The following CHD7 variants were observed in gnomAD, a reference collection of about 807,000 sequenced individuals.
CHD7 encodes the protein chromodomain helicase DNA binding protein 7, also known as ATP-dependent chromatin remodeler CHD7.
A neutral mutation model predicts 307.3 loss-of-function variants in CHD7; 24 were observed. That is an observed-to-expected ratio of 0.08 (90% CI 0.06 to 0.11). The LOEUF (loss-of-function observed/expected upper bound fraction) is 0.11. Ranked by LOEUF, CHD7 falls within the 10% of genes least tolerant of loss-of-function variation. The pLI is 1.00. For synonymous variants in CHD7, 1,363 were observed against 1,349.9 expected, an observed-to-expected ratio of 1.01 and a Z score of -0.21; for missense variants, 3,106 against 3,727.1, an observed-to-expected ratio of 0.83 and a Z score of 4.34.
chr8:60,801,466 G>T, intron 5 of CHD7, 62 bp from the exon 6 acceptor site: 2 of 1,234,276 alleles, frequency 1.6e-6, no homozygotes, highest in Non-Finnish European at 2.3e-6. Context: ...ATGATTTCTT[G>T]CTCTTATAGC....
intron 7 of CHD7, among the ~76,000 whole-genome samples, chr8:60,811,298 G>A (rs1812796125): frequency 1.3e-5 from 2 of 152,190 alleles, no homozygotes; most frequent in Admixed American, 6.5e-5. Flanking sequence ...CAAAAGAAGT[G>A]TAGTCCTCCC....
At position 60,823,846 on chromosome 8, in the gene CHD7, G is replaced by A. The variant is rs1238116912; in HGVS notation, c.3208G>A (p.Val1070Met). The A allele has an allele frequency of 1.2e-6, 2 of 1,613,188 alleles. No individual in the cohort carries two copies. The highest frequency in any genetic ancestry group is 2.2e-5 in the East Asian group (1 of 44,884). The stretch of plus-strand genomic sequence containing the variant: ...TTCAGAGTTGTTCTTATAGGGTCGA[G>A]TGATAAAGGGGTCCTATAAGTTTCA... ...EMYFKDPQGRVIKGSYKFHAI... is the reference protein window; with the variant it reads ...EMYFKDPQGRMIKGSYKFHAI... The change falls in exon 13 of 38, where the codon GTG (valine) becomes ATG (methionine). Residue 1070 changes from valine to methionine, a missense_variant. Physicochemically the swap from Val to Met is conservative, Grantham distance 21. Around this residue, in one of 10 missense-constraint regions of CHD7, gnomAD observed 232 missense variants for 422.5 expected, o/e 0.55. Transcript: ENST00000423902.
chr8:60,703,413 C>T (rs566404522), intron 1 of CHD7, among the ~76,000 whole-genome samples: 2 of 152,276 alleles, frequency 1.3e-5, no homozygotes, highest in Non-Finnish European at 1.5e-5. Context: ...AAATTCATCG[C>T]TTTCTCTTCC....
chr8:60,796,008 C>T (rs1443352551), intron 4 of CHD7, among the ~76,000 whole-genome samples: 1 of 152,198 alleles, frequency 6.6e-6, no homozygotes, highest in Non-Finnish European at 1.5e-5. Flanking sequence ...TGTACCCCCA[C>T]CAGTCAGAAA....
At chr8:60,704,426 T>A (rs1237310812) in intron 1 of CHD7, among the ~76,000 whole-genome samples, 1 of 151,806 alleles carries the variant, frequency 6.6e-6, no homozygotes, top group South Asian at 2.1e-4. Context: ...TCAGAAGATG[T>A]AGAAAGACTC....
chr8:60,847,700 A>T (rs560431417), intron 23 of CHD7, among the ~76,000 whole-genome samples: 1 of 152,236 alleles, frequency 6.6e-6, no homozygotes, highest in East Asian at 1.9e-4. Context: ...TATTGAAAGA[A>T]TTATGTTTTC....
In CHD7 at chr8:60,741,570, C is replaced by T; in HGVS notation, c.138C>T (p.Gly46=). The T allele has an allele frequency of 2.5e-6, 4 of 1,613,612 alleles. No individual in the cohort carries two copies. The highest frequency in any genetic ancestry group is 1.7e-5 in the Admixed American group (1 of 59,962). ...PMGQQMPIDQ[G]FASLQPSLHH... ...GTCAGCAAATGCCAATAGACCAAGG[C>T]TTTGCCTCTTTACAGCCATCCCTTC... The change falls in exon 2 of 38, where the codon GGC becomes GGT. Residue 46 remains glycine (G), a synonymous_variant. Transcript: ENST00000423902.
chr8:60,789,594 G>C (rs983559943), intron 3 of CHD7, among the ~76,000 whole-genome samples: 6 of 152,098 alleles, frequency 3.9e-5, no homozygotes, highest in African/African-American at 1.4e-4. Context: ...TTTTCTTTCT[G>C]TTCAGGACTT....
In CHD7 at chr8:60,819,382, G is replaced by A. The variant is rs186769235; in HGVS notation, c.2614-625G>A. On this transcript the variant is annotated intron_variant, in intron 8 of 37. Coordinates refer to ENST00000423902, the MANE Select transcript of CHD7 (RefSeq NM_017780.4). The stretch of plus-strand genomic sequence containing the variant: ...GAGCCAATTATTTAGGCTTCATTTC[G>A]TTATCCTTAATACTTTTGCCTAAAC... Among the ~76,000 whole-genome samples, 984 of 152,112 alleles carry A rather than the reference G, an allele frequency of 6.5e-3. 13 individuals carry two copies. The highest frequency in any genetic ancestry group is 0.029 in the South Asian group (140 of 4,822).
chr8:60,691,754 A>C (rs1806204929), intron 1 of CHD7, among the ~76,000 whole-genome samples: 1 of 152,218 alleles, frequency 6.6e-6, no homozygotes, highest in Non-Finnish European at 1.5e-5. Context: ...TAGAATAGTG[A>C]GCTGGACCGA....
rs376993840 is a variant in CHD7 at position 60,852,098 on chromosome 8, G to A, written c.5745G>A (p.Arg1915=). The change falls in exon 29 of 38, where the codon CGG becomes CGA. Residue 1915 remains arginine, a synonymous_variant. Coordinates refer to ENST00000423902, the MANE Select transcript of CHD7 (RefSeq NM_017780.4). The part of the protein sequence containing the change: ...NTSTLTTRLR[R]LITAYQRSYK... Reference sequence around the variant, plus strand: ...CAACCCTGACTACACGTCTGCGCCGGCTCATTACTGCCTATCAGCGCAGCT... The same window carrying A: ...CAACCCTGACTACACGTCTGCGCCGACTCATTACTGCCTATCAGCGCAGCT... The A allele has an allele frequency of 6.1e-5, 99 of 1,613,876 alleles. No individual in the cohort carries two copies. The Admixed American group carries it at 6.3e-4, about 10-fold the overall frequency.
At chr8:60,801,381 TC>T (rs1226777890) in intron 5 of CHD7, 146 bp from the exon 6 acceptor site, 1 of 600,706 alleles carries the variant, frequency 1.7e-6, no homozygotes, top group Admixed American at 3.0e-5. Context: ...AGATTTTTGT[TC>T]CTTTCAATCG....
chr8:60,735,310 C>T (rs558538287), intron 1 of CHD7, among the ~76,000 whole-genome samples: 57 of 152,264 alleles, frequency 3.7e-4, no homozygotes, highest in African/African-American at 1.2e-3. Context: ...TTGCCCTATA[C>T]GATGTCAGTG....
At chr8:60,700,129 T>C (rs1245529762) in intron 1 of CHD7, among the ~76,000 whole-genome samples, 7 of 152,192 alleles carry the variant, frequency 4.6e-5, no homozygotes, top group Admixed American at 4.6e-4. Context: ...TGAGCCACCG[T>C]GCCTGGCAAC....
intron 15 of CHD7, among the ~76,000 whole-genome samples, chr8:60,833,069 C>G (rs1172056801): frequency 6.6e-6 from 1 of 152,118 alleles, no homozygotes; most frequent in Non-Finnish European, 1.5e-5. Flanking sequence ...AGAGGTTGCT[C>G]CAGGGCCCGT....
intron 9 of CHD7, 98 bp downstream of exon 9, chr8:60,820,188 G>GT: frequency 3.2e-6 from 2 of 620,848 alleles, no homozygotes; most frequent in Non-Finnish European, 5.5e-6. Context: ...CTTGGTCAGA[G>GT]CCTTGGACTG....
At chr8:60,822,317 TAA>T (rs780774420) in intron 11 of CHD7, among the ~76,000 whole-genome samples, 172 bp downstream of exon 11, 49 of 152,280 alleles carry the variant, frequency 3.2e-4, no homozygotes, top group African/African-American at 8.9e-4. Context: ...GAGATTGATA[TAA>T]GTGTGTAAAA....
intron 2 of CHD7, among the ~76,000 whole-genome samples, chr8:60,756,290 C>T (rs1163400242): frequency 1.3e-5 from 2 of 152,112 alleles, no homozygotes; most frequent in Non-Finnish European, 2.9e-5. Context: ...ATGGGTATCT[C>T]GTGTCTTTGG....
chr8:60,704,097 C>G (rs550270611), intron 1 of CHD7, among the ~76,000 whole-genome samples: 1 of 152,078 alleles, frequency 6.6e-6, no homozygotes, highest in Admixed American at 6.5e-5. Context: ...GTTAAACCTA[C>G]TCATAGAAAA....
Sources: gnomAD v4.1 joint callset for allele counts (sites outside exome capture counted in the v4.1 genomes callset) on GRCh38, gnomAD v4.1.1 for gene constraint, gnomAD v4.1.1 regional missense constraint, MANE v1.5 for transcripts, NCBI Gene and HGNC (gene_info 2026-07-23, HGNC 2026-07-21) for gene names.